DUSP6: variants seen among roughly 807,000 people sequenced by gnomAD.
The protein encoded by DUSP6 is dual specificity phosphatase 6, also known as dual specificity protein phosphatase 6.
DUSP6 carries 6 observed loss-of-function variants against 28.0 expected under a neutral mutation model. That is an observed-to-expected ratio of 0.21 (90% CI 0.12 to 0.42). The LOEUF is 0.42. DUSP6 is among the 10% of genes least tolerant of loss of function. The probability of loss-of-function intolerance (pLI) is 1.00; values close to 1 mark genes in which losing one functional copy is unlikely to be tolerated. For synonymous variants in DUSP6, 252 were observed against 217.5 expected, an observed-to-expected ratio of 1.16 and a Z score of -1.40; for missense variants, 451 against 498.1, an observed-to-expected ratio of 0.91 and a Z score of 0.90.
chr12:89,352,194 G>T lies in DUSP6; in HGVS notation c.-155C>A. Reference sequence around the variant, plus strand: ...CGAGGCTAGCGGTTGGGGCAGACGAGACAGAAGTAAAGCCGGAGGTTCTCT... The same window carrying T: ...CGAGGCTAGCGGTTGGGGCAGACGATACAGAAGTAAAGCCGGAGGTTCTCT... On this transcript the variant is annotated 5_prime_UTR_variant, in exon 1 of 3. Coordinates refer to ENST00000279488, the MANE Select transcript of DUSP6 (RefSeq NM_001946.4). 1 of 1,173,916 alleles carries T rather than the reference G, an allele frequency of 8.5e-7. No individual in the cohort carries two copies. The highest frequency in any genetic ancestry group is 1.2e-6 in the Non-Finnish European group (1 of 847,096). The allele number at this position is 1,173,916 out of a possible 1,614,324, so 72.7% of individuals were successfully genotyped here.
chr12:89,351,164 C>T (rs1879172543), intron 1 of DUSP6, 139 bp from the exon 2 acceptor site: 1 of 956,088 alleles, frequency 1.0e-6, no homozygotes, highest in Admixed American at 2.8e-5. Flanking sequence ...ATAAGAGAAA[C>T]ACACTTTAAA....
chr12:89,349,588 T>A, intron 2 of DUSP6, 27 bp from the exon 3 acceptor site: 1 of 1,572,800 alleles, frequency 6.4e-7, no homozygotes, highest in Non-Finnish European at 8.7e-7. Flanking sequence ...AAAAGCAAGA[T>A]CTCAGCAGAC....
intron 1 of DUSP6, chr12:89,351,416 G>A (rs1028055452): frequency 5.5e-5 from 40 of 727,774 alleles, no homozygotes; most frequent in Non-Finnish European, 8.6e-5. Flanking sequence ...GAAAGAAACC[G>A]CCGGTACCCG....
chr12:89,352,102 C>A lies in DUSP6; in HGVS notation c.-63G>T. ...GACGCCCCTCGGGGCAGGCATAGGC[C>A]GAGCGCACCGCGCGCGAAGCTGCCG... is the stretch of plus-strand genomic sequence containing the variant. On this transcript the variant is annotated 5_prime_UTR_variant, in exon 1 of 3. Coordinates refer to ENST00000279488, the MANE Select transcript of DUSP6 (RefSeq NM_001946.4). 1 of 1,536,534 alleles carries A rather than the reference C, an allele frequency of 6.5e-7. No homozygotes were observed. The highest frequency in any genetic ancestry group is 1.2e-5 in the South Asian group (1 of 81,178).
At chr12:89,349,981 C>T (rs1302812844) in intron 2 of DUSP6, among the ~76,000 whole-genome samples, 1 of 152,164 alleles carries the variant, frequency 6.6e-6, no homozygotes, top group African/African-American at 2.4e-5. Context: ...TCACAGGGGA[C>T]GGCCCATTAG....
In DUSP6 at chr12:89,347,809, A is replaced by G. The variant is rs1356509554; in HGVS notation, c.*1445T>C. ...AGGTTCATTTTTCTTCAGGGGCTTT[A>G]AAATCTTAAGCCGGAACTATACTCA... On this transcript the variant is annotated 3_prime_UTR_variant, in exon 3 of 3. Transcript: ENST00000279488. 6.6e-6 allele frequency: 1 copy of G among 152,234 alleles called. No individual in the cohort carries two copies. The highest frequency in any genetic ancestry group is 1.9e-4 in the East Asian group (1 of 5,202). The allele number at this position is 152,234 out of a possible 1,614,324, so 9.4% of individuals were successfully genotyped here. A position where few individuals can be genotyped will look rare whatever the true frequency, so the allele number is the denominator to read the frequency against.
chr12:89,351,825 G>T lies in DUSP6; in HGVS notation c.215C>A (p.Pro72Gln), dbSNP rs139215127. 214 of 1,611,342 alleles carry T rather than the reference G, an allele frequency of 1.3e-4. No homozygotes were observed. The highest frequency in any genetic ancestry group is 1.2e-4 in the Non-Finnish European group (147 of 1,179,470). The change falls in exon 1 of 3, where the codon CCG (proline) becomes CAG (glutamine). Residue 72 changes from proline to glutamine, a missense_variant. Pro to Gln is a moderately conservative substitution (Grantham distance 76). This residue lies in a region of DUSP6 where 347 missense variants were observed against 346.6 expected (regional missense o/e 1.00). Transcript: ENST00000279488. ...GCCGCGCGTGAAGAGCGCGCGCACC[G>T]GCAGGTTACCCTTCTGCAGGCGCCG... is the stretch of plus-strand genomic sequence containing the variant. ...MLRRLQKGNLPVRALFTRGED... is the reference protein window; with the variant it reads ...MLRRLQKGNLQVRALFTRGED...
chr12:89,351,131 A>G, intron 1 of DUSP6, 106 bp from the exon 2 acceptor site: 1 of 1,216,794 alleles, frequency 8.2e-7, no homozygotes, highest in South Asian at 1.5e-5. Flanking sequence ...CATCCTACGA[A>G]CCCCCTACAT....
rs756502676 is a variant in DUSP6 at position 89,351,792 on chromosome 12, C to T, written c.248G>A (p.Arg83Gln). ...VRALFTRGED[R>Q]DRFTRRCGTD... ...GCCACAGCGCCGGGTGAAGCGGTCC[C>T]GGTCCTCGCCGCGCGTGAAGAGCGC... The change falls in exon 1 of 3, where the codon CGG becomes CAG. Residue 83 changes from arginine to glutamine, a missense_variant. This residue lies in a region of DUSP6 where 347 missense variants were observed against 346.6 expected (regional missense o/e 1.00). Transcript: ENST00000279488. The T allele has an allele frequency of 1.4e-5, 22 of 1,610,038 alleles. No homozygotes were observed. The East Asian group carries it at 4.2e-4, about 31-fold the overall frequency.
In DUSP6 at chr12:89,352,243, C is replaced by G. The variant is rs554674631; in HGVS notation, c.-204G>C. On this transcript the variant is annotated 5_prime_UTR_variant, in exon 1 of 3. Transcript: ENST00000279488. ...CTCTGCACCCAGCTGCAGCCGCTGG[C>G]TCTTAGTGTCAATGAATCTCTCTCA... 2.9e-6 allele frequency: 2 copies of G among 687,700 alleles called. No individual in the cohort carries two copies. The highest frequency in any genetic ancestry group is 5.9e-5 in the Admixed American group (2 of 33,858). The allele number at this position is 687,700 out of a possible 1,614,324, so 42.6% of individuals were successfully genotyped here. A position where few individuals can be genotyped will look rare whatever the true frequency, so the allele number is the denominator to read the frequency against.
chr12:89,350,251 A>C (rs978222106), intron 2 of DUSP6, among the ~76,000 whole-genome samples: 1 of 152,226 alleles, frequency 6.6e-6, no homozygotes, highest in Non-Finnish European at 1.5e-5. Context: ...CAATGCTGGA[A>C]TTCCTGTCTA....
At chr12:89,351,146 A>C (rs774573177) in intron 1 of DUSP6, 121 bp from the exon 2 acceptor site, 1 of 1,057,412 alleles carries the variant, frequency 9.5e-7, no homozygotes, top group East Asian at 2.6e-5. Context: ...CTACATACAG[A>C]ACCATCTATA....
rs1416827443 is a variant in DUSP6 at position 89,348,798 on chromosome 12, A to G, written c.*456T>C. ...GTATCAGATTTTTTTTTCCAAACTGATACCACAAATACAGAGCTGAAATCT... is the reference window on the plus strand; with the variant it reads ...GTATCAGATTTTTTTTTCCAAACTGGTACCACAAATACAGAGCTGAAATCT... On this transcript the variant is annotated 3_prime_UTR_variant, in exon 3 of 3. Transcript: ENST00000279488. The G allele has an allele frequency of 6.5e-6, 1 of 153,840 alleles. No individual in the cohort carries two copies. The highest frequency in any genetic ancestry group is 2.4e-5 in the African/African-American group (1 of 41,484). 9.5% of individuals were successfully genotyped at this position (153,840 alleles called of 1,614,324 possible).
At chr12:89,351,048 C>T (rs1427177288) in intron 1 of DUSP6, 23 bp from the exon 2 acceptor site, 2 of 1,553,524 alleles carry the variant, frequency 1.3e-6, no homozygotes, top group Non-Finnish European at 1.7e-6. Flanking sequence ...GAAAAGCAAT[C>T]ATCTAACCTG....
chr12:89,351,825 G>A lies in DUSP6; in HGVS notation c.215C>T (p.Pro72Leu), dbSNP rs139215127. The change falls in exon 1 of 3, where the codon CCG (proline) becomes CTG (leucine). Residue 72 changes from proline (P) to leucine (L), a missense_variant. This residue lies in a region of DUSP6 where 347 missense variants were observed against 346.6 expected (regional missense o/e 1.00). Coordinates refer to ENST00000279488, the MANE Select transcript of DUSP6 (RefSeq NM_001946.4). ...GCCGCGCGTGAAGAGCGCGCGCACC[G>A]GCAGGTTACCCTTCTGCAGGCGCCG... ...MLRRLQKGNL[P>L]VRALFTRGED... 3 of 1,611,342 alleles carry A rather than the reference G, an allele frequency of 1.9e-6. No individual in the cohort carries two copies. Among genetic ancestry groups the A allele is most frequent in the Non-Finnish European group, 2.5e-6 (3 of 1,179,470 alleles).
Position 89,351,686 on chromosome 12 carries a change from C to G in DUSP6, c.354G>C (p.Leu118=). 4 of 1,607,592 alleles carry G rather than the reference C, an allele frequency of 2.5e-6. No individual in the cohort carries two copies. Among genetic ancestry groups the G allele is most frequent in the Non-Finnish European group, 3.4e-6 (4 of 1,177,682 alleles). Residue 118 remains leucine (L), a synonymous_variant, in exon 1 of 3, where the codon CTG becomes CTC. Transcript: ENST00000279488. ...NTGGESVLGL[L]LKKLKDEGCR... Reference sequence around the variant, plus strand: ...AGCCCTCGTCCTTGAGCTTCTTGAGCAGCAGCCCGAGCACCGACTCGCCGC... The same window carrying G: ...AGCCCTCGTCCTTGAGCTTCTTGAGGAGCAGCCCGAGCACCGACTCGCCGC...
rs976906296 is a variant in DUSP6, at chr12:89,352,104, A to G, written c.-65T>C. The stretch of plus-strand genomic sequence containing the variant: ...CGCCCCTCGGGGCAGGCATAGGCCG[A>G]GCGCACCGCGCGCGAAGCTGCCGCT... On this transcript the variant is annotated 5_prime_UTR_variant, in exon 1 of 3. Transcript: ENST00000279488. The G allele has an allele frequency of 1.3e-5, 20 of 1,536,060 alleles. No individual in the cohort carries two copies. The African/African-American group carries it at 2.3e-4, about 18-fold the overall frequency.
chr12:89,350,127 ACT>A (rs1398967288), intron 2 of DUSP6, among the ~76,000 whole-genome samples: 1 of 152,222 alleles, frequency 6.6e-6, no homozygotes, highest in East Asian at 1.9e-4. Context: ...CCACTGTCTC[ACT>A]GTTACCAGTA....
rs1017651103 is a variant in DUSP6 at position 89,348,553 on chromosome 12, G to A, written c.*701C>T. On this transcript the variant is annotated 3_prime_UTR_variant, in exon 3 of 3. Coordinates refer to ENST00000279488, the MANE Select transcript of DUSP6 (RefSeq NM_001946.4). ...TAGTGATAATAGTGTCCGTAAAGAT[G>A]TCATCAGAATTGGTAAAGTCAAGCA... is the stretch of plus-strand genomic sequence containing the variant. The A allele has an allele frequency of 1.3e-5, 2 of 152,392 alleles. No individual in the cohort carries two copies. The highest frequency in any genetic ancestry group is 2.4e-5 in the African/African-American group (1 of 41,454). The allele number at this position is 152,392 out of a possible 1,614,324, so 9.4% of individuals were successfully genotyped here.
Sources: gnomAD v4.1 joint callset for allele counts (sites outside exome capture counted in the v4.1 genomes callset) on GRCh38, gnomAD v4.1.1 for gene constraint, gnomAD v4.1.1 regional missense constraint, MANE v1.5 for transcripts, NCBI Gene and HGNC (gene_info 2026-07-23, HGNC 2026-07-21) for gene names.